The following JMY variants were observed in gnomAD, a reference collection of about 807,000 sequenced individuals.
JMY encodes junction-mediating and -regulatory protein.
JMY carries 46 observed loss-of-function variants against 103.3 expected under a neutral mutation model. The ratio of observed to expected loss-of-function variants is 0.45; its 90% CI spans 0.35 to 0.57. The LOEUF (loss-of-function observed/expected upper bound fraction) is 0.57. Among genes scored for constraint, JMY ranks in the 20% least tolerant of loss-of-function variants. The pLI is 0.00. For missense variants in JMY, 1,238 were observed against 1,255.2 expected, an observed-to-expected ratio of 0.99 and a Z score of 0.21; for synonymous variants, 526 against 489.3, an observed-to-expected ratio of 1.07 and a Z score of -0.99.
intron 1 of JMY, among the ~76,000 whole-genome samples, chr5:79,251,572 T>A (rs2112053033): frequency 6.6e-6 from 1 of 152,094 alleles, no homozygotes; most frequent in East Asian, 1.9e-4. Context: ...ATTAAATTAT[T>A]ATTGACTGTT....
intron 4 of JMY, among the ~76,000 whole-genome samples, chr5:79,295,274 G>A (rs937367224): frequency 6.6e-6 from 1 of 152,284 alleles, no homozygotes; most frequent in African/African-American, 2.4e-5. Flanking sequence ...CAGAGGAACA[G>A]CATTTTAAAT....
At position 79,286,016 on chromosome 5, in the gene JMY, A is replaced by G. The variant is rs939426360; in HGVS notation, c.1207-4105A>G. On this transcript the variant is annotated intron_variant, in intron 2 of 10. Coordinates refer to ENST00000396137, the MANE Select transcript of JMY (RefSeq NM_152405.5). Reference sequence around the variant, plus strand: ...TTTCTTTCTAGCACTGAAATTGAAAACAGAGGTGTCATTGTTTTTAGCACA... The same window carrying G: ...TTTCTTTCTAGCACTGAAATTGAAAGCAGAGGTGTCATTGTTTTTAGCACA... Among the ~76,000 whole-genome samples, 16 of 152,168 alleles carry G rather than the reference A, an allele frequency of 1.1e-4. No individual in the cohort carries two copies. The East Asian group carries it at 2.9e-3, about 27-fold the overall frequency.
intron 9 of JMY, among the ~76,000 whole-genome samples, chr5:79,315,767 T>C (rs990624008): frequency 2.6e-5 from 4 of 152,166 alleles, no homozygotes; most frequent in Non-Finnish European, 5.9e-5. Flanking sequence ...ATGTAGGAAA[T>C]GATAGGAATA....
intron 4 of JMY, among the ~76,000 whole-genome samples, chr5:79,295,238 G>GT (rs1746534402): frequency 6.6e-6 from 1 of 152,168 alleles, no homozygotes; most frequent in African/African-American, 2.4e-5. Flanking sequence ...TGTGGCTAAT[G>GT]AGCTTTTGAA....
At chr5:79,274,431 A>T (rs1472541576) in intron 1 of JMY, among the ~76,000 whole-genome samples, 5 of 151,374 alleles carry the variant, frequency 3.3e-5, no homozygotes, top group Non-Finnish European at 7.4e-5. Context: ...TTTAATTGAG[A>T]CAGAGTTGCT....
At chr5:79,300,417 A>G in intron 5 of JMY, 99 bp downstream of exon 5, 1 of 1,275,480 alleles carries the variant, frequency 7.8e-7, no homozygotes, top group Non-Finnish European at 1.1e-6. Context: ...CATTTAAAAA[A>G]TTGTTTTCTG....
intron 10 of JMY, among the ~76,000 whole-genome samples, chr5:79,319,563 C>CT (rs200817821): frequency 1.0e-5 from 1 of 96,008 alleles, no homozygotes; most frequent in African/African-American, 3.7e-5. Context: ...TATTAGATTC[C>CT]TTTTTTTTTT....
chr5:79,308,684 CTTTT>C (rs1289097524), intron 7 of JMY, among the ~76,000 whole-genome samples: 2 of 151,948 alleles, frequency 1.3e-5, no homozygotes, highest in African/African-American at 4.8e-5. Context: ...GACCTAATAT[CTTTT>C]TTGTTTTTTT....
chr5:79,265,175 T>C (rs977285761), intron 1 of JMY, among the ~76,000 whole-genome samples: 5 of 152,102 alleles, frequency 3.3e-5, no homozygotes, highest in Non-Finnish European at 7.4e-5. Flanking sequence ...CCGCCCGCCT[T>C]GGCCTCCCAA....
intron 8 of JMY, 146 bp from the exon 9 acceptor site, chr5:79,314,111 G>C (rs561489004): frequency 7.7e-7 from 1 of 1,299,874 alleles, no homozygotes; most frequent in African/African-American, 1.5e-5. Flanking sequence ...CACCCGCCTC[G>C]GCCTCCCAAA....
chr5:79,236,497 AG>A lies in JMY; in HGVS notation c.-151del. Reference sequence around the variant, plus strand: ...AAGGAGCTCGGCGGTCGGGGCGCGGAGGGACAGGCGAACGAGCCGGGAGAGC... The same window carrying A: ...AAGGAGCTCGGCGGTCGGGGCGCGGAGGACAGGCGAACGAGCCGGGAGAGC... On this transcript the variant is annotated 5_prime_UTR_variant, in exon 1 of 11. Coordinates refer to ENST00000396137, the MANE Select transcript of JMY (RefSeq NM_152405.5). The A allele has an allele frequency of 2.0e-6, 1 of 489,686 alleles. No homozygotes were observed. Among genetic ancestry groups the A allele is most frequent in the Non-Finnish European group, 3.3e-6 (1 of 300,880 alleles). The allele number at this position is 489,686 out of a possible 1,614,324, so 30.3% of individuals were successfully genotyped here. A position where few individuals can be genotyped will look rare whatever the true frequency, so the allele number is the denominator to read the frequency against.
In JMY at chr5:79,246,264, C is replaced by T. The variant is rs1042399979; in HGVS notation, c.1032+8582C>T. On this transcript the variant is annotated intron_variant, in intron 1 of 10. Transcript: ENST00000396137. ...TCTCTAGGCCTATCTTTCTCCTTGCCGTCCTATCTAGATGAGTTTCTATCC... is the reference window on the plus strand; with the variant it reads ...TCTCTAGGCCTATCTTTCTCCTTGCTGTCCTATCTAGATGAGTTTCTATCC... Among the ~76,000 whole-genome samples, 78 of 152,058 alleles carry T rather than the reference C, an allele frequency of 5.1e-4. 1 individual carries two copies. The highest frequency in any genetic ancestry group is 3.9e-3 in the Admixed American group (60 of 15,266).
At chr5:79,288,903 T>C (rs950906479) in intron 2 of JMY, among the ~76,000 whole-genome samples, 8 of 151,998 alleles carry the variant, frequency 5.3e-5, no homozygotes, top group African/African-American at 1.9e-4. Flanking sequence ...GTTTGGGGTC[T>C]TGAGATTTTA....
intron 10 of JMY, among the ~76,000 whole-genome samples, chr5:79,317,011 C>T (rs539767351): frequency 2.0e-5 from 3 of 151,498 alleles, no homozygotes; most frequent in South Asian, 4.2e-4. Context: ...CGTTCAAATC[C>T]GGCCTGGGCA....
At chr5:79,260,591 A>G (rs1191568538) in intron 1 of JMY, among the ~76,000 whole-genome samples, 5 of 143,026 alleles carry the variant, frequency 3.5e-5, no homozygotes, top group Non-Finnish European at 7.6e-5. Flanking sequence ...GGGTTTTGCC[A>G]TGTTGCCCAG....
At chr5:79,320,216 A>C (rs780828343) in intron 10 of JMY, among the ~76,000 whole-genome samples, 1 of 152,130 alleles carries the variant, frequency 6.6e-6, no homozygotes, top group Non-Finnish European at 1.5e-5. Flanking sequence ...ACACATCTCC[A>C]CTAAAAATAC....
intron 2 of JMY, among the ~76,000 whole-genome samples, chr5:79,281,946 C>T (rs1172821714): frequency 6.6e-6 from 1 of 152,126 alleles, no homozygotes; most frequent in Non-Finnish European, 1.5e-5. Context: ...TGGCTCATGC[C>T]TGTAATCCCA....
At chr5:79,305,468 A>G (rs1480586445) in intron 6 of JMY, among the ~76,000 whole-genome samples, 6 of 152,012 alleles carry the variant, frequency 3.9e-5, no homozygotes, top group African/African-American at 1.4e-4. Flanking sequence ...AAAAGTGATC[A>G]TTTTAGTATA....
intron 1 of JMY, among the ~76,000 whole-genome samples, chr5:79,274,298 T>C (rs917106495): frequency 2.0e-5 from 3 of 152,270 alleles, no homozygotes; most frequent in Admixed American, 1.3e-4. Flanking sequence ...TTATGTCCAA[T>C]TAGCGTTATA....
Sources: allele counts gnomAD v4.1 joint callset (sites outside exome capture counted in the v4.1 genomes callset), GRCh38; gene constraint gnomAD v4.1.1; transcripts MANE v1.5; gene names NCBI Gene and HGNC (gene_info 2026-07-23, HGNC 2026-07-21).